Variants in SPG11 observed in about 807,000 individuals in gnomAD.
SPG11 encodes SPG11 vesicle trafficking associated, spatacsin.
Under a neutral mutation model 274.0 loss-of-function variants are expected in SPG11, and 222 were observed. That is an observed-to-expected ratio of 0.81 (90% CI 0.73 to 0.91). SPG11 has a LOEUF of 0.91. Among genes scored for constraint, SPG11 ranks in the 40% least tolerant of loss-of-function variants. The pLI, the probability that SPG11 is intolerant of heterozygous loss-of-function variation, is 0.00. For missense variants in SPG11, 3,114 were observed against 2,872.7 expected (o/e 1.08, Z -1.92); for synonymous variants, 1,144 against 1,039.7 (o/e 1.10, Z -1.93).
At chr15:44,565,361 G>A (rs142847626) in intron 38 of SPG11, among the ~76,000 whole-genome samples, 90 of 152,270 alleles carry the variant, frequency 5.9e-4, no homozygotes, top group African/African-American at 1.8e-3. Context: ...GGATGGTTTC[G>A]GGATGAAAAT....
chr15:44,564,525 A>G (rs749853595), intron 39 of SPG11, 22 bp downstream of exon 39: 1 of 1,611,862 alleles, frequency 6.2e-7, no homozygotes, highest in East Asian at 2.2e-5. Flanking sequence ...AGCAATGTTT[A>G]CAGTCAACTT....
chr15:44,643,991 G>T (rs2084532444), intron 7 of SPG11, among the ~76,000 whole-genome samples: 1 of 151,858 alleles, frequency 6.6e-6, no homozygotes, highest in African/African-American at 2.4e-5. Context: ...GTGAAACCCT[G>T]TCTCTACTAA....
chr15:44,597,112 T>C (rs2083065178), intron 23 of SPG11, 169 bp from the exon 24 acceptor site: 1 of 224,240 alleles, frequency 4.5e-6, no homozygotes, highest in South Asian at 1.3e-4. Context: ...AGTAGATTCT[T>C]TTTTTTTTTT....
At position 44,652,407 on chromosome 15, in the gene SPG11, C is replaced by T. The variant is rs1284581132; in HGVS notation, c.870-141G>A. 3.4e-6 allele frequency: 3 copies of T among 870,054 alleles called. No homozygotes were observed. The African/African-American group carries it at 5.0e-5, about 15-fold the overall frequency. 53.9% of individuals were successfully genotyped at this position (870,054 alleles called of 1,614,324 possible). ...CCGCAGAAAGGAACTCCTTATCTCC[C>T]TTGCTTATGTCACAGTAATAGAGTG... is the stretch of plus-strand genomic sequence containing the variant. On this transcript the variant is annotated intron_variant, in intron 4 of 39. Coordinates refer to ENST00000261866, the MANE Select transcript of SPG11 (RefSeq NM_025137.4).
chr15:44,612,225 C>T (rs1431901161), intron 17 of SPG11, among the ~76,000 whole-genome samples: 1 of 152,164 alleles, frequency 6.6e-6, no homozygotes, highest in Non-Finnish European at 1.5e-5. Flanking sequence ...TAACAATAGT[C>T]TGTCACAAGG....
chr15:44,585,264 G>C (rs532283733), intron 29 of SPG11, among the ~76,000 whole-genome samples: 1 of 151,966 alleles, frequency 6.6e-6, no homozygotes, highest in South Asian at 2.1e-4. Flanking sequence ...GTTTAATGCT[G>C]ATTTTAAAAG....
rs1162532550 is a variant in SPG11, at chr15:44,663,549, G to A, written c.99C>T (p.Val33=). The change falls in exon 1 of 40, where the codon GTC becomes GTT. Residue 33 remains valine, a synonymous_variant. Transcript: ENST00000261866. The part of the protein sequence containing the change: ...GRVLPMLLVP[V]PAEAMGQLGS... ...CGAGCTGCCCCATCGCCTCGGCGGG[G>A]ACTGGCACCAACAGCATCGGTAGAA... 1.3e-6 allele frequency: 2 copies of A among 1,597,926 alleles called. No individual in the cohort carries two copies. Among genetic ancestry groups the A allele is most frequent in the South Asian group, 1.1e-5 (1 of 89,300 alleles).
intron 39 of SPG11, among the ~76,000 whole-genome samples, 175 bp from the exon 40 acceptor site, chr15:44,563,476 T>C (rs1411119057): frequency 6.6e-6 from 1 of 151,366 alleles, no homozygotes; most frequent in Non-Finnish European, 1.5e-5. Flanking sequence ...GTAGGTGGGA[T>C]TACATGAGTG....
chr15:44,603,833 A>G (rs1009531809), intron 20 of SPG11, among the ~76,000 whole-genome samples: 2 of 152,176 alleles, frequency 1.3e-5, no homozygotes, highest in African/African-American at 4.8e-5. Flanking sequence ...GATAGTTGTT[A>G]TACTGTATTT....
chr15:44,657,984 G>A (rs1319915131), intron 3 of SPG11, among the ~76,000 whole-genome samples: 2 of 152,188 alleles, frequency 1.3e-5, no homozygotes, highest in African/African-American at 4.8e-5. Flanking sequence ...CCGAGATCAC[G>A]CCACTGCACT....
intron 1 of SPG11, among the ~76,000 whole-genome samples, chr15:44,662,735 G>A (rs2085152553): frequency 6.7e-6 from 1 of 148,352 alleles, no homozygotes; most frequent in African/African-American, 2.5e-5. Flanking sequence ...AAACTCTTAA[G>A]TACTGAACCA....
Position 44,622,812 on chromosome 15 carries a change from T to C in SPG11, c.2245-13A>G, listed in dbSNP as rs200426807. ...TTACATCAAACCCCTAAAATAAACA[T>C]AGAAAACCAAAAAAAGTTACATTTT... On this transcript the variant is annotated splice_polypyrimidine_tract_variant and intron_variant, in intron 11 of 39. Coordinates refer to ENST00000261866, the MANE Select transcript of SPG11 (RefSeq NM_025137.4). 5.0e-5 allele frequency: 80 copies of C among 1,607,262 alleles called. No homozygotes were observed. The highest frequency in any genetic ancestry group is 3.3e-4 in the Middle Eastern group (2 of 6,044).
chr15:44,662,701 G>A (rs907084518), intron 1 of SPG11, among the ~76,000 whole-genome samples: 8 of 149,046 alleles, frequency 5.4e-5, no homozygotes, highest in African/African-American at 1.2e-4. Flanking sequence ...AACACTAAGA[G>A]GGCGTTCCCA....
chr15:44,617,966 G>A (rs1026732095), intron 15 of SPG11, among the ~76,000 whole-genome samples: 5 of 151,916 alleles, frequency 3.3e-5, no homozygotes, highest in Admixed American at 1.3e-4. Context: ...GTGAGCCACC[G>A]TGCCCGGCAG....
rs1595909629 is a variant in SPG11, at chr15:44,637,257, A to T, written c.1603-3620T>A. 2.0e-5 allele frequency among the ~76,000 whole-genome samples: 3 copies of T among 152,306 alleles called. No homozygotes were observed. The Middle Eastern group carries it at 0.01, about 518-fold the overall frequency. On this transcript the variant is annotated intron_variant, in intron 7 of 39. Transcript: ENST00000261866. ...GTTAAGAAGGATTGAGCAAAGTGTC[A>T]ACAGTCTAACTACTTCTGATTGAAA... is the stretch of plus-strand genomic sequence containing the variant.
At chr15:44,640,950 G>C (rs570349336) in intron 7 of SPG11, among the ~76,000 whole-genome samples, 2 of 152,098 alleles carry the variant, frequency 1.3e-5, no homozygotes, top group Non-Finnish European at 2.9e-5. Context: ...GGATGGTCTC[G>C]ATCTCTTGAC....
At position 44,573,738 on chromosome 15, in the gene SPG11, C is replaced by T. The variant is rs2140929215; in HGVS notation, c.6014G>A (p.Gly2005Asp). The change falls in exon 32 of 40, where the codon GGC (glycine) becomes GAC (aspartate). Residue 2005 changes from glycine to aspartate, a missense_variant. By Grantham distance (94) the Gly-to-Asp change is moderately conservative. Transcript: ENST00000261866. ...LCLYDLAKEL[G>D]CSYTDVAAQD... ...AGCAGCAACATCTGTGTAGGAACAG[C>T]CCAACTCCTGAGAGGAAGACAAAGC... 1 of 1,614,188 alleles carries T rather than the reference C, an allele frequency of 6.2e-7. No individual in the cohort carries two copies. Among genetic ancestry groups the T allele is most frequent in the East Asian group, 2.2e-5 (1 of 44,888 alleles).
intron 3 of SPG11, 111 bp from the exon 4 acceptor site, chr15:44,657,407 C>G: frequency 2.1e-6 from 2 of 964,598 alleles, no homozygotes; most frequent in Non-Finnish European, 3.1e-6. Flanking sequence ...GTAGGTATAA[C>G]AGAAGAAGAC....
At position 44,658,266 on chromosome 15, in the gene SPG11, A is replaced by T. The variant is rs538571831; in HGVS notation, c.667+813T>A. On this transcript the variant is annotated intron_variant, in intron 3 of 39. Transcript: ENST00000261866. ...TCAGAAATTAAAGTTCCAAAATCAT[A>T]TAAGGGGTAATTTGTCAAATCTTCA... Among the ~76,000 whole-genome samples, 11 of 152,334 alleles carry T rather than the reference A, an allele frequency of 7.2e-5. No individual in the cohort carries two copies. In the East Asian group the frequency reaches 1.5e-3, roughly 21 times the overall value.
Sources: gnomAD v4.1 joint callset for allele counts (sites outside exome capture counted in the v4.1 genomes callset) on GRCh38, gnomAD v4.1.1 for gene constraint, MANE v1.5 for transcripts, NCBI Gene and HGNC (gene_info 2026-07-23, HGNC 2026-07-21) for gene names.